Variants in SIPA1L1 observed in about 807,000 individuals in gnomAD.
SIPA1L1 encodes signal-induced proliferation-associated 1-like protein 1.
A neutral mutation model predicts 162.7 loss-of-function variants in SIPA1L1; 26 were observed. The observed-to-expected ratio is 0.16, with a 90% CI of 0.12 to 0.22. The LOEUF (loss-of-function observed/expected upper bound fraction) is 0.22. SIPA1L1 is among the 10% of genes least tolerant of loss of function. The probability of loss-of-function intolerance (pLI) is 1.00; values close to 1 mark genes in which losing one functional copy is unlikely to be tolerated. For missense variants in SIPA1L1, 1,874 were observed against 2,241.0 expected (o/e 0.84, Z 3.31); for synonymous variants, 829 against 837.4 (o/e 0.99, Z 0.17).
intron 2 of SIPA1L1, among the ~76,000 whole-genome samples, chr14:71,440,563 A>G (rs1262691459): frequency 1.4e-5 from 2 of 138,030 alleles, no homozygotes; most frequent in Admixed American, 7.7e-5. Flanking sequence ...CGGGGAGGAT[A>G]GCTTGAGCCT....
intron 8 of SIPA1L1, among the ~76,000 whole-genome samples, chr14:71,655,363 G>T (rs1433990367): frequency 6.6e-6 from 1 of 152,064 alleles, no homozygotes; most frequent in African/African-American, 2.4e-5. Context: ...CCTTTATCCA[G>T]TCTACCATTG....
intron 7 of SIPA1L1, among the ~76,000 whole-genome samples, chr14:71,640,647 C>T (rs1021278987): frequency 4.6e-5 from 7 of 152,094 alleles, no homozygotes; most frequent in South Asian, 2.1e-4. Flanking sequence ...TTCTTTGAGA[C>T]GGAGTCTCAC....
At position 71,330,761 on chromosome 14, in the gene SIPA1L1, C is replaced by T. The variant is rs1272146174; in HGVS notation, c.-465+9580C>T. On this transcript the variant is annotated intron_variant, in intron 2 of 23. Transcript: ENST00000381232. The stretch of plus-strand genomic sequence containing the variant: ...TCATAAGGAATCTGGCTGTCTATCT[C>T]GGGCAAGGCCCAGTGGGCTGTCCCT... 10 of 787,162 alleles carry T rather than the reference C, an allele frequency of 1.3e-5. 1 individual carries two copies. The highest frequency in any genetic ancestry group is 3.5e-4 in the Middle Eastern group (1 of 2,818). 48.8% of individuals were successfully genotyped at this position (787,162 alleles called of 1,614,324 possible).
intron 19 of SIPA1L1, among the ~76,000 whole-genome samples, chr14:71,727,037 AGTG>A (rs2084306956): frequency 6.6e-6 from 1 of 152,048 alleles, no homozygotes; most frequent in Non-Finnish European, 1.5e-5. Context: ...GTTAATATTG[AGTG>A]GCAGGGTCAC....
chr14:71,424,264 TTC>T (rs1004475490), intron 2 of SIPA1L1, among the ~76,000 whole-genome samples: 3 of 152,074 alleles, frequency 2.0e-5, no homozygotes, highest in Non-Finnish European at 2.9e-5. Context: ...TGCCTTTTAT[TTC>T]TCTTTCTTGC....
chr14:71,732,378 G>A (rs946760053), intron 20 of SIPA1L1, among the ~76,000 whole-genome samples: 5 of 152,062 alleles, frequency 3.3e-5, no homozygotes, highest in Admixed American at 6.6e-5. Context: ...GCTCCTTCTC[G>A]TGGAGTGGTG....
chr14:71,685,651 T>G lies in SIPA1L1; in HGVS notation c.3374+20T>G, dbSNP rs1596971287. 4 of 1,612,496 alleles carry G rather than the reference T, an allele frequency of 2.5e-6. No individual in the cohort carries two copies. Among genetic ancestry groups the G allele is most frequent in the Non-Finnish European group, 3.4e-6 (4 of 1,179,034 alleles). On this transcript the variant is annotated intron_variant, in intron 13 of 23. Transcript: ENST00000381232. ...GAGGCGGTAAGTGTGCCTTCAAAGGTTTGCTCTATCTCTCTCTGCCCCAAA... is the reference window on the plus strand; with the variant it reads ...GAGGCGGTAAGTGTGCCTTCAAAGGGTTGCTCTATCTCTCTCTGCCCCAAA...
intron 18 of SIPA1L1, 118 bp downstream of exon 18, chr14:71,724,004 G>A: frequency 8.8e-7 from 1 of 1,140,196 alleles, no homozygotes; most frequent in Non-Finnish European, 1.2e-6. Context: ...GCAGGAGTTG[G>A]TCTGTTGGTG....
intron 5 of SIPA1L1, among the ~76,000 whole-genome samples, chr14:71,616,407 G>GA (rs1165741832): frequency 6.6e-6 from 1 of 152,174 alleles, no homozygotes; most frequent in African/African-American, 2.4e-5. Context: ...TCCAATGGAA[G>GA]AAAGGAAAGA....
At chr14:71,535,108 A>G (rs1245518089) in intron 4 of SIPA1L1, among the ~76,000 whole-genome samples, 1 of 152,246 alleles carries the variant, frequency 6.6e-6, no homozygotes. Context: ...ACATAGGCTA[A>G]TAATAGGTTC....
At chr14:71,464,229 A>T (rs1026258810) in intron 2 of SIPA1L1, among the ~76,000 whole-genome samples, 1 of 152,170 alleles carries the variant, frequency 6.6e-6, no homozygotes, top group African/African-American at 2.4e-5. Flanking sequence ...TCTACATCAA[A>T]CCAAGGGAGA....
chr14:71,350,216 G>A (rs551641593), intron 2 of SIPA1L1, among the ~76,000 whole-genome samples: 20 of 146,270 alleles, frequency 1.4e-4, no homozygotes, highest in Non-Finnish European at 2.7e-4. Context: ...GTGAAACCCC[G>A]TCTCTACTAA....
At chr14:71,597,194 C>T (rs1008598917) in intron 5 of SIPA1L1, among the ~76,000 whole-genome samples, 4 of 151,850 alleles carry the variant, frequency 2.6e-5, no homozygotes, top group African/African-American at 9.7e-5. Context: ...GTCACCCAGG[C>T]TGGTCTCAAA....
At chr14:71,459,237 C>T (rs530597090) in intron 2 of SIPA1L1, among the ~76,000 whole-genome samples, 40 of 152,140 alleles carry the variant, frequency 2.6e-4, no homozygotes, top group Admixed American at 8.5e-4. Context: ...TGATATGTGG[C>T]GGGAACATAC....
At chr14:71,543,976 C>CATGTATGTATATATACACAT (rs2054788929) in intron 4 of SIPA1L1, among the ~76,000 whole-genome samples, 1 of 148,856 alleles carries the variant, frequency 6.7e-6, no homozygotes, top group Non-Finnish European at 1.5e-5. Context: ...TATATACACA[C>CATGTATGTATATATACACAT]ACGCACATGT....
intron 13 of SIPA1L1, among the ~76,000 whole-genome samples, chr14:71,686,412 G>A (rs1040693283): frequency 4.9e-4 from 74 of 152,294 alleles, no homozygotes; most frequent in African/African-American, 1.8e-3. Context: ...TTCAAAATGG[G>A]AATAGAAGTT....
chr14:71,509,128 G>T (rs1208534233), intron 2 of SIPA1L1, among the ~76,000 whole-genome samples: 1 of 152,092 alleles, frequency 6.6e-6, no homozygotes, highest in African/African-American at 2.4e-5. Context: ...CAGTTCTCTT[G>T]GCCCTATGGG....
intron 2 of SIPA1L1, among the ~76,000 whole-genome samples, chr14:71,370,792 G>A (rs2038816525): frequency 1.3e-5 from 2 of 152,046 alleles, no homozygotes; most frequent in African/African-American, 4.8e-5. Context: ...CAGTCGCCCA[G>A]GATTTTGCCA....
At chr14:71,529,701 C>G (rs1039991246) in intron 4 of SIPA1L1, among the ~76,000 whole-genome samples, 4 of 152,190 alleles carry the variant, frequency 2.6e-5, no homozygotes, top group East Asian at 1.9e-4. Context: ...TGCAGCTCGC[C>G]CTGATTAGGA....
Sources: allele counts gnomAD v4.1 joint callset (sites outside exome capture counted in the v4.1 genomes callset), GRCh38; gene constraint gnomAD v4.1.1; transcripts MANE v1.5; gene names NCBI Gene and HGNC (gene_info 2026-07-23, HGNC 2026-07-21).